RBM25: variants seen among roughly 807,000 people sequenced by gnomAD.
The protein encoded by RBM25 is RNA binding motif protein 25.
RBM25 carries 19 observed loss-of-function variants against 120.7 expected under a neutral mutation model. The ratio of observed to expected loss-of-function variants is 0.16; its 90% CI spans 0.11 to 0.23. RBM25 has a LOEUF of 0.23. RBM25 is among the 10% of genes least tolerant of loss of function. RBM25 has a pLI of 1.00. For synonymous variants in RBM25, 390 were observed against 326.7 expected, an observed-to-expected ratio of 1.19 and a Z score of -2.09; for missense variants, 605 against 1,041.5, an observed-to-expected ratio of 0.58 and a Z score of 5.77.
chr14:73,059,191 A>C (rs951565387), intron 1 of RBM25: 3 of 152,138 alleles, frequency 2.0e-5, no homozygotes, highest in South Asian at 2.1e-4. Flanking sequence ...CCACCAACGG[A>C]TATCTTTCCC....
chr14:73,075,006 T>TA (rs925779863), intron 2 of RBM25, among the ~76,000 whole-genome samples: 1 of 150,168 alleles, frequency 6.7e-6, no homozygotes, highest in Non-Finnish European at 1.5e-5. Context: ...TTTTTTTTTT[T>TA]AAATAAAGAA....
chr14:73,075,629 G>A (rs919119479), intron 2 of RBM25, among the ~76,000 whole-genome samples: 2 of 152,008 alleles, frequency 1.3e-5, no homozygotes, highest in Non-Finnish European at 2.9e-5. Context: ...CATATGTTGT[G>A]GAATGACTAA....
At chr14:73,065,725 T>TA in intron 1 of RBM25, among the ~76,000 whole-genome samples, 1 of 151,808 alleles carries the variant, frequency 6.6e-6, no homozygotes, top group East Asian at 1.9e-4. Context: ...GCCCAGTGTT[T>TA]ATATTTTTAG....
chr14:73,090,656 T>C (rs1174299045), intron 6 of RBM25, among the ~76,000 whole-genome samples: 1 of 152,238 alleles, frequency 6.6e-6, no homozygotes, highest in East Asian at 1.9e-4. Flanking sequence ...ATATTGTTTA[T>C]ATATCTCTCT....
At chr14:73,102,231 C>A (rs1359562799) in intron 9 of RBM25, 1 of 152,012 alleles carries the variant, frequency 6.6e-6, no homozygotes, top group East Asian at 1.9e-4. Context: ...TTTGTTTTAC[C>A]TGTTTGGGGT....
intron 17 of RBM25, among the ~76,000 whole-genome samples, chr14:73,113,181 G>A (rs1896351290): frequency 6.6e-6 from 1 of 151,864 alleles, no homozygotes; most frequent in South Asian, 2.1e-4. Flanking sequence ...CCCTCCCTGT[G>A]TCCATGTGTT....
chr14:73,111,419 C>T, intron 15 of RBM25, 109 bp from the exon 16 acceptor site: 2 of 1,250,356 alleles, frequency 1.6e-6, no homozygotes, highest in Non-Finnish European at 2.2e-6. Flanking sequence ...TGGGATCTTT[C>T]TCTAAGATTT....
At chr14:73,095,620 G>A (rs945311789) in intron 6 of RBM25, among the ~76,000 whole-genome samples, 2 of 148,530 alleles carry the variant, frequency 1.3e-5, no homozygotes, top group Admixed American at 1.4e-4. Context: ...AAAAAAAAAA[G>A]AATTTGTTGA....
chr14:73,104,714 T>C (rs1027012949), intron 10 of RBM25, among the ~76,000 whole-genome samples: 1 of 152,072 alleles, frequency 6.6e-6, no homozygotes, highest in Non-Finnish European at 1.5e-5. Flanking sequence ...AATAATGAGG[T>C]ATAGCAAACA....
intron 1 of RBM25, among the ~76,000 whole-genome samples, chr14:73,070,468 T>TC (rs1895258921): frequency 6.6e-6 from 1 of 152,128 alleles, no homozygotes; most frequent in East Asian, 1.9e-4. Flanking sequence ...GACTTTTTTT[T>TC]CTCTTGTCAA....
chr14:73,071,455 G>C (rs908554002), intron 1 of RBM25, among the ~76,000 whole-genome samples, 172 bp from the exon 2 acceptor site: 1 of 151,930 alleles, frequency 6.6e-6, no homozygotes, highest in South Asian at 2.1e-4. Context: ...ACTTATTTTA[G>C]AAAAAATCTA....
Position 73,077,549 on chromosome 14 carries a change from G to T in RBM25, c.324+13G>T. 1 of 1,545,102 alleles carries T rather than the reference G, an allele frequency of 6.5e-7. No individual in the cohort carries two copies. The highest frequency in any genetic ancestry group is 8.7e-7 in the Non-Finnish European group (1 of 1,149,612). ...ACAACTCTTAGCTGTAAGTTAAACT[G>T]TTTATTTTTCATTAAAAATTTTTTT... On this transcript the variant is annotated intron_variant, in intron 4 of 18. Transcript: ENST00000261973.
chr14:73,102,975 T>A (rs747614093), intron 9 of RBM25: 39 of 861,656 alleles, frequency 4.5e-5, no homozygotes, highest in Admixed American at 1.7e-4. Context: ...CATCCAAGAT[T>A]GGAGATTCCT....
chr14:73,111,166 A>G lies in RBM25; in HGVS notation c.2017+11A>G, dbSNP rs1253732286. The G allele has an allele frequency of 2.5e-6, 4 of 1,576,272 alleles. No homozygotes were observed. Among genetic ancestry groups the G allele is most frequent in the Non-Finnish European group, 3.5e-6 (4 of 1,148,482 alleles). ...TAAGTCTTAAACTGGGTACGTTAGCATTTCCTTCCTTCTTTATTTTCTTCC... is the reference window on the plus strand; with the variant it reads ...TAAGTCTTAAACTGGGTACGTTAGCGTTTCCTTCCTTCTTTATTTTCTTCC... On this transcript the variant is annotated intron_variant, in intron 15 of 18. Coordinates refer to ENST00000261973, the MANE Select transcript of RBM25 (RefSeq NM_021239.3).
At chr14:73,059,591 C>T (rs937727408) in intron 1 of RBM25, among the ~76,000 whole-genome samples, 1 of 152,124 alleles carries the variant, frequency 6.6e-6, no homozygotes, top group Non-Finnish European at 1.5e-5. Flanking sequence ...CTCTGTTGCA[C>T]CCTACTGCTG....
chr14:73,099,754 G>A lies in RBM25; in HGVS notation c.867+4G>A. The A allele has an allele frequency of 6.2e-7, 1 of 1,600,892 alleles. No homozygotes were observed. Among genetic ancestry groups the A allele is most frequent in the Non-Finnish European group, 8.5e-7 (1 of 1,176,800 alleles). On this transcript the variant is annotated splice_donor_region_variant and intron_variant, in intron 9 of 18. Coordinates refer to ENST00000261973, the MANE Select transcript of RBM25 (RefSeq NM_021239.3). ...CAAATTCAGAGACACACATAAGGTA[G>A]TATTCTTGTCTTTTCACTTGATACC...
intron 1 of RBM25, chr14:73,068,175 CTT>C (rs1895187930): frequency 1.2e-6 from 1 of 845,358 alleles, no homozygotes; most frequent in Admixed American, 1.8e-5. Context: ...TTAGTGGTCT[CTT>C]GATATGTGGA....
intron 13 of RBM25, among the ~76,000 whole-genome samples, chr14:73,108,592 T>A (rs1896239664): frequency 6.6e-6 from 1 of 152,240 alleles, no homozygotes; most frequent in Admixed American, 6.5e-5. Flanking sequence ...TTGTTCTTCC[T>A]TCCATCCAAA....
Position 73,117,542 on chromosome 14 carries a change from A to G in RBM25, c.2440-2171A>G, listed in dbSNP as rs573139980. Among the ~76,000 whole-genome samples the G allele has an allele frequency of 4.6e-5, 7 of 152,046 alleles. No individual in the cohort carries two copies. The South Asian group carries it at 1.5e-3, about 32-fold the overall frequency. On this transcript the variant is annotated intron_variant, in intron 18 of 18. Coordinates refer to ENST00000261973, the MANE Select transcript of RBM25 (RefSeq NM_021239.3). ...CACTGTGCCCAGTCTCTTCCCAGGT[A>G]TTTATTAAGCACTTGTTATATACCA...
Sources: allele counts gnomAD v4.1 joint callset (sites outside exome capture counted in the v4.1 genomes callset), GRCh38; gene constraint gnomAD v4.1.1; transcripts MANE v1.5; gene names NCBI Gene and HGNC (gene_info 2026-07-23, HGNC 2026-07-21).